The following ENTREP1 variants were observed in gnomAD, a reference collection of about 807,000 sequenced individuals.
The protein encoded by ENTREP1 is endosomal transmembrane epsin interactor 1, also known as Friedreich ataxia region gene X123.
chr9:69,334,839 C>T, the ENTREP1 span, among the ~76,000 whole-genome samples: 5 of 147,658 alleles, frequency 3.4e-5, no homozygotes, highest in African/African-American at 5.0e-5. Context: ...TGCAGTGGCG[C>T]GATCTCAGCT....
chr9:69,352,043 C>G, the ENTREP1 span, among the ~76,000 whole-genome samples: 12 of 152,154 alleles, frequency 7.9e-5, no homozygotes, highest in South Asian at 2.5e-3. Context: ...CTTTTCTATT[C>G]TCTGAGTAAT....
the ENTREP1 span, among the ~76,000 whole-genome samples, chr9:69,378,312 C>A: frequency 6.6e-6 from 1 of 152,158 alleles, no homozygotes; most frequent in African/African-American, 2.4e-5. Context: ...TTGTCTCTCC[C>A]TGGTCTAGAA....
chr9:69,340,813 A>ATGTGTG, the ENTREP1 span, among the ~76,000 whole-genome samples: 133 of 140,544 alleles, frequency 9.5e-4, 1 homozygote, highest in East Asian at 2.5e-3. Flanking sequence ...GTGTGTGTGT[A>ATGTGTG]TGTGTGTGTG....
chr9:69,358,760 T>G, the ENTREP1 span, among the ~76,000 whole-genome samples: 1 of 152,206 alleles, frequency 6.6e-6, no homozygotes, highest in Non-Finnish European at 1.5e-5. Flanking sequence ...CGTGCACAAA[T>G]TCATTGTTAA....
the ENTREP1 span, among the ~76,000 whole-genome samples, chr9:69,353,913 G>T: frequency 6.6e-6 from 1 of 152,080 alleles, no homozygotes; most frequent in Admixed American, 6.5e-5. Flanking sequence ...ATACCCCGAA[G>T]TTGAGAGAAA....
chr9:69,339,147 G>A, the ENTREP1 span, among the ~76,000 whole-genome samples: 1 of 151,992 alleles, frequency 6.6e-6, no homozygotes, highest in Admixed American at 6.6e-5. Flanking sequence ...AGTCTCCTGA[G>A]TAGCTGGGAC....
chr9:69,383,595 G>C, the ENTREP1 span: 1 of 1,613,218 alleles, frequency 6.2e-7, no homozygotes, highest in Non-Finnish European at 8.5e-7. Context: ...CCAGTCTGTA[G>C]AACGTGCTTT....
the ENTREP1 span, among the ~76,000 whole-genome samples, chr9:69,350,172 A>G: frequency 1.3e-5 from 2 of 151,866 alleles, no homozygotes; most frequent in African/African-American, 4.8e-5. Flanking sequence ...ATGAACGCTT[A>G]CTCCTATAAT....
the ENTREP1 span, among the ~76,000 whole-genome samples, chr9:69,352,827 C>T: frequency 8.5e-5 from 13 of 152,202 alleles, no homozygotes; most frequent in African/African-American, 2.9e-4. Context: ...GCCTATGACC[C>T]CCAATATGCC....
chr9:69,349,926 C>A, the ENTREP1 span, among the ~76,000 whole-genome samples: 14 of 152,140 alleles, frequency 9.2e-5, no homozygotes. Flanking sequence ...CTATTGAATG[C>A]ATATGGCTTT....
chr9:69,325,143 G>C, the ENTREP1 span: 10 of 1,036,232 alleles, frequency 9.7e-6, no homozygotes, highest in East Asian at 5.7e-4. Flanking sequence ...CCAGGGCAGC[G>C]GCAGCGGCGG....
chr9:69,377,742 C>A, the ENTREP1 span: 1 of 1,610,858 alleles, frequency 6.2e-7, no homozygotes, highest in Non-Finnish European at 8.5e-7. Flanking sequence ...GGATGAACCG[C>A]AGGTATCGTT....
the ENTREP1 span, among the ~76,000 whole-genome samples, chr9:69,337,471 A>C: frequency 6.6e-6 from 1 of 152,308 alleles, no homozygotes; most frequent in East Asian, 1.9e-4. Flanking sequence ...TAATATAGAC[A>C]TATACTGGTG....
the ENTREP1 span, among the ~76,000 whole-genome samples, chr9:69,352,868 G>A: frequency 6.6e-6 from 1 of 152,190 alleles, no homozygotes. Flanking sequence ...GGATGTGGTG[G>A]CCCATGCTTG....
chr9:69,362,655 ATC>A, the ENTREP1 span, among the ~76,000 whole-genome samples: 1 of 152,166 alleles, frequency 6.6e-6, no homozygotes, highest in Non-Finnish European at 1.5e-5. Flanking sequence ...CAAAGTATTG[ATC>A]CTGGGTGTGT....
chr9:69,389,662 C>T, the ENTREP1 span, among the ~76,000 whole-genome samples: 1 of 152,134 alleles, frequency 6.6e-6, no homozygotes, highest in African/African-American at 2.4e-5. Context: ...GCCCCAATAG[C>T]CCAATAATCA....
the ENTREP1 span, chr9:69,383,415 G>T: frequency 1.4e-6 from 2 of 1,392,494 alleles, no homozygotes; most frequent in East Asian, 5.5e-5. Context: ...CAATGATGGG[G>T]TTGCATTTTA....
At chr9:69,378,293 AATT>A in the ENTREP1 span, among the ~76,000 whole-genome samples, 1 of 152,146 alleles carries the variant, frequency 6.6e-6, no homozygotes, top group South Asian at 2.1e-4. Context: ...AAAAGAGATT[AATT>A]ATTAATTGTC....
chr9:69,348,112 G>A, the ENTREP1 span, among the ~76,000 whole-genome samples: 2 of 151,936 alleles, frequency 1.3e-5, no homozygotes, highest in Non-Finnish European at 2.9e-5. Flanking sequence ...TCTAGCTGCT[G>A]CTTCTTTCTG....
Sources: gnomAD v4.1 joint callset for allele counts (sites outside exome capture counted in the v4.1 genomes callset) on GRCh38, gnomAD v4.1.1 for gene constraint, MANE v1.5 for transcripts, NCBI Gene and HGNC (gene_info 2026-07-23, HGNC 2026-07-21) for gene names.